FAAH2: variants seen among roughly 807,000 people sequenced by gnomAD.
FAAH2 encodes the protein fatty-acid amide hydrolase 2.
FAAH2 carries 60 observed loss-of-function variants against 36.9 expected under a neutral mutation model. The ratio of observed to expected loss-of-function variants is 1.63; its 90% CI spans 1.32 to 2.02. FAAH2 has a LOEUF of 2.02. FAAH2 is among the 30% of genes most tolerant of loss of function. FAAH2 has a pLI of 0.00. For synonymous variants in FAAH2, 214 were observed against 143.8 expected (o/e 1.49, Z -3.49); for missense variants, 689 against 397.5 (o/e 1.73, Z -6.23).
At chrX:57,148,004 C>A in the FAAH2 span, among the ~76,000 whole-genome samples, 1 of 111,539 alleles carries the variant, frequency 9.0e-6, no homozygotes, top group Non-Finnish European at 1.9e-5. Flanking sequence ...GAATTTTCCA[C>A]GTGCTGATGA....
At chrX:57,435,800 A>T (rs1179116963) in intron 8 of FAAH2, among the ~76,000 whole-genome samples, 1 of 111,263 alleles carries the variant, frequency 9.0e-6, no homozygotes, top group Non-Finnish European at 1.9e-5. Context: ...ACGGGAAATC[A>T]ACAAAGAAAT....
intron 7 of FAAH2, among the ~76,000 whole-genome samples, chrX:57,382,450 G>T (rs907436527): frequency 7.2e-5 from 8 of 111,518 alleles, no homozygotes; most frequent in African/African-American, 2.6e-4. Flanking sequence ...AAGAAGGAAA[G>T]AGAGAAGAAT....
At chrX:57,464,517 G>C (rs1170353388) in intron 10 of FAAH2, among the ~76,000 whole-genome samples, 3 of 23,854 alleles carry the variant, frequency 1.3e-4, no homozygotes, top group African/African-American at 2.6e-4. Context: ...AATAGCAATT[G>C]CAAAAAAAAA....
the FAAH2 span, among the ~76,000 whole-genome samples, chrX:57,178,167 A>G: frequency 9.0e-6 from 1 of 111,383 alleles, no homozygotes. Context: ...GAAATAGACT[A>G]TGGAGATTTT....
intron 3 of FAAH2, among the ~76,000 whole-genome samples, chrX:57,320,412 G>T (rs1314862155): frequency 8.9e-6 from 1 of 112,180 alleles, no homozygotes; most frequent in African/African-American, 3.2e-5. Flanking sequence ...ACAAACATAT[G>T]AAAAAAAGCT....
intron 5 of FAAH2, among the ~76,000 whole-genome samples, chrX:57,374,189 G>A (rs770484895): frequency 2.7e-5 from 3 of 111,435 alleles, no homozygotes; most frequent in Non-Finnish European, 5.7e-5. Flanking sequence ...CTTTGCTTTG[G>A]CTATGCAGAT....
At chrX:57,221,036 C>G in the FAAH2 span, among the ~76,000 whole-genome samples, 1 of 111,473 alleles carries the variant, frequency 9.0e-6, no homozygotes, top group Non-Finnish European at 1.9e-5. Flanking sequence ...TCTGCTTTAC[C>G]TAATTTTTCA....
At chrX:57,378,896 C>A (rs1198588808) in intron 6 of FAAH2, 110 bp downstream of exon 6, 5 of 960,184 alleles carry the variant, frequency 5.2e-6, no homozygotes, top group Non-Finnish European at 7.1e-6. Context: ...ATAATTTTTA[C>A]AGGTTTTTAT....
chrX:57,336,712 C>A (rs2053560950), intron 4 of FAAH2, among the ~76,000 whole-genome samples: 1 of 111,451 alleles, frequency 9.0e-6, no homozygotes, highest in Admixed American at 9.6e-5. Context: ...AACAAAGACA[C>A]AATATATCAG....
At chrX:57,310,870 A>G (rs1348383395) in intron 3 of FAAH2, 141 bp downstream of exon 3, 1 of 643,988 alleles carries the variant, frequency 1.6e-6, no homozygotes, top group Non-Finnish European at 2.2e-6. Context: ...GGAAATATTC[A>G]GCAAGTTCCA....
intron 7 of FAAH2, among the ~76,000 whole-genome samples, chrX:57,398,635 G>A (rs943462204): frequency 4.5e-5 from 5 of 110,111 alleles, no homozygotes; most frequent in East Asian, 2.9e-4. Context: ...TGTCGCTGCC[G>A]GCTCAAATGT....
the FAAH2 span, among the ~76,000 whole-genome samples, chrX:57,169,724 G>A: frequency 9.8e-6 from 1 of 102,237 alleles, no homozygotes; most frequent in Admixed American, 1.1e-4. Context: ...TTTACCTATT[G>A]ACTGTTTTCA....
At chrX:57,215,636 T>TA in the FAAH2 span, among the ~76,000 whole-genome samples, 13 of 110,820 alleles carry the variant, frequency 1.2e-4, no homozygotes, top group Non-Finnish European at 2.1e-4. Flanking sequence ...TATGCAGCCA[T>TA]AAAAATGAAT....
At chrX:57,419,084 A>C (rs2055932956) in intron 7 of FAAH2, among the ~76,000 whole-genome samples, 1 of 107,279 alleles carries the variant, frequency 9.3e-6, no homozygotes, top group African/African-American at 3.4e-5. Flanking sequence ...TCCATGGTGT[A>C]TATGTGCCAC....
At chrX:57,481,352 TG>T (rs2057375164) in intron 10 of FAAH2, among the ~76,000 whole-genome samples, 1 of 111,665 alleles carries the variant, frequency 9.0e-6, no homozygotes, top group African/African-American at 3.3e-5. Context: ...GCTTTTGTGC[TG>T]TTTTTTTTCC....
the FAAH2 span, among the ~76,000 whole-genome samples, chrX:57,181,221 A>G: frequency 1.8e-5 from 2 of 110,004 alleles, no homozygotes; most frequent in Non-Finnish European, 3.9e-5. Flanking sequence ...ACCCAAATAT[A>G]TTGGAAGTCC....
chrX:57,225,504 T>C, the FAAH2 span, among the ~76,000 whole-genome samples: 1 of 111,700 alleles, frequency 9.0e-6, no homozygotes, highest in Non-Finnish European at 1.9e-5. Context: ...TCTGAGAGAG[T>C]ATTTGATATA....
the FAAH2 span, among the ~76,000 whole-genome samples, chrX:57,235,271 G>A: frequency 9.0e-6 from 1 of 111,316 alleles, no homozygotes; most frequent in Non-Finnish European, 1.9e-5. Context: ...TTGTTCAGTT[G>A]CTAGAGAAAA....
chrX:57,380,571 A>G (rs751410915), intron 6 of FAAH2, among the ~76,000 whole-genome samples: 2 of 111,669 alleles, frequency 1.8e-5, no homozygotes, highest in African/African-American at 6.5e-5. Flanking sequence ...AGTCATATTG[A>G]AATTACCTAC....
Sources: gnomAD v4.1 joint callset for allele counts (sites outside exome capture counted in the v4.1 genomes callset) on GRCh38, gnomAD v4.1.1 for gene constraint, MANE v1.5 for transcripts, NCBI Gene and HGNC (gene_info 2026-07-23, HGNC 2026-07-21) for gene names.